The following AGBL5 variants were observed in gnomAD, a reference collection of about 807,000 sequenced individuals.
The protein encoded by AGBL5 is cytosolic carboxypeptidase-like protein 5.
AGBL5 carries 51 observed loss-of-function variants against 88.0 expected under a neutral mutation model. That is an observed-to-expected ratio of 0.58 (90% CI 0.46 to 0.73). The LOEUF is 0.73. Among genes scored for constraint, AGBL5 ranks in the 30% least tolerant of loss-of-function variants. AGBL5 has a pLI of 0.00. For synonymous variants in AGBL5, 446 were observed against 438.8 expected, an observed-to-expected ratio of 1.02 and a Z score of -0.21; for missense variants, 1,031 against 1,162.2, an observed-to-expected ratio of 0.89 and a Z score of 1.64.
rs202064757 is a variant in AGBL5 at position 27,054,689 on chromosome 2, G to C, written c.611G>C (p.Arg204Pro). Residue 204 changes from arginine (R) to proline (P), a missense_variant, in exon 5 of 15, where the codon CGT becomes CCT. Around this residue, in one of 2 missense-constraint regions of AGBL5, gnomAD observed 540 missense variants for 678.2 expected, o/e 0.80. Transcript: ENST00000360131. ...ELLCYSLDGL[R>P]VDLLTITSCH... ...CTTTGCTATTCTCTGGATGGACTTC[G>C]TGTAGATCTGCTGACGATCACTTCC... 1.2e-6 allele frequency: 2 copies of C among 1,614,002 alleles called. No individual in the cohort carries two copies. The highest frequency in any genetic ancestry group is 1.3e-5 in the African/African-American group (1 of 74,982).
upstream of AGBL5, among the ~76,000 whole-genome samples, chr2:27,050,739 G>A (rs1292452688): frequency 6.6e-6 from 1 of 152,224 alleles, no homozygotes; most frequent in South Asian, 2.1e-4. Flanking sequence ...TGAGGTTGCG[G>A]TAAGCATTAG....
At chr2:27,051,570 C>A (rs946961310), upstream of AGBL5, 1 of 152,400 alleles carries the variant, frequency 6.6e-6, no homozygotes, top group East Asian at 1.9e-4. Context: ...CACTAACGTG[C>A]GAGGAACCCT....
Position 27,068,563 on chromosome 2 carries a change from C to G in AGBL5, c.2243-69C>G, listed in dbSNP as rs1669108865. 5.6e-6 allele frequency: 8 copies of G among 1,420,088 alleles called. No individual in the cohort carries two copies. The Admixed American group carries it at 1.5e-4, about 27-fold the overall frequency. 88.0% of individuals were successfully genotyped at this position (1,420,088 alleles called of 1,614,324 possible). On this transcript the variant is annotated intron_variant, in intron 12 of 14. Transcript: ENST00000360131. ...TGTCAACGTGCCAAGGTTAAGAAAC[C>G]CTGATCCTTTGGAAGTTACCTCCTC... is the stretch of plus-strand genomic sequence containing the variant.
chr2:27,069,910 G>C, intron 14 of AGBL5, 182 bp from the exon 15 acceptor site: 1 of 985,408 alleles, frequency 1.0e-6, no homozygotes, highest in Non-Finnish European at 1.2e-6. Flanking sequence ...ACAACTTTTA[G>C]TCAGGGCCTA....
chr2:27,058,202 G>A (rs2148282920), intron 9 of AGBL5, among the ~76,000 whole-genome samples, 198 bp from the exon 10 acceptor site: 1 of 152,308 alleles, frequency 6.6e-6, no homozygotes. Flanking sequence ...ATGGAAGAGG[G>A]CCCCCAAATT....
In AGBL5 at chr2:27,058,467, T is replaced by C. The variant is rs751972761; in HGVS notation, c.1739T>C (p.Leu580Pro). 6 of 1,613,998 alleles carry C rather than the reference T, an allele frequency of 3.7e-6. No homozygotes were observed. The highest frequency in any genetic ancestry group is 4.2e-6 in the Non-Finnish European group (5 of 1,180,038). Residue 580 changes from leucine to proline, a missense_variant, in exon 10 of 15, where the codon CTG becomes CCG. Leu to Pro is a moderately conservative substitution (Grantham distance 98). Around this residue, in one of 2 missense-constraint regions of AGBL5, gnomAD observed 491 missense variants for 484.0 expected, o/e 1.01. Transcript: ENST00000360131. ...TGTAATCCGTGGCCCCGAATTGTACTGTCAGAGCACAGCAGCCTTACTAAT... is the reference window on the plus strand; with the variant it reads ...TGTAATCCGTGGCCCCGAATTGTACCGTCAGAGCACAGCAGCCTTACTAAT... ...AECNPWPRIV[L>P]SEHSSLTNLR...
intron 11 of AGBL5, among the ~76,000 whole-genome samples, chr2:27,066,605 G>A (rs1485244639): frequency 1.3e-5 from 2 of 152,248 alleles, no homozygotes; most frequent in Middle Eastern, 3.4e-3. Flanking sequence ...GGTAAGAGGG[G>A]AACCAAGGAA....
rs1396565850 is a variant in AGBL5, at chr2:27,053,945, G to A, written c.437G>A (p.Gly146Asp). The change falls in exon 4 of 15, where the codon GGC becomes GAC. Residue 146 changes from glycine (G) to aspartate (D), a missense_variant. Around this residue, in one of 2 missense-constraint regions of AGBL5, gnomAD observed 540 missense variants for 678.2 expected, o/e 0.80. Coordinates refer to ENST00000360131, the MANE Select transcript of AGBL5 (RefSeq NM_021831.6). The surrounding 1 kb of genome is among the most constrained non-coding windows in gnomAD (Gnocchi z 4.9). ...VLSFVHRFVE[G>D]RGATTFFAFC... The stretch of plus-strand genomic sequence containing the variant: ...TCCTTTGTTCATCGTTTCGTGGAGG[G>A]CCGTGGGGCCACCACCTTCTTCGCC... The A allele has an allele frequency of 1.9e-6, 3 of 1,614,032 alleles. No homozygotes were observed. Among genetic ancestry groups the A allele is most frequent in the Non-Finnish European group, 2.5e-6 (3 of 1,180,022 alleles).
intron 12 of AGBL5, 54 bp from the exon 13 acceptor site, chr2:27,068,578 G>T: frequency 6.6e-7 from 1 of 1,519,820 alleles, no homozygotes; most frequent in African/African-American, 1.4e-5. Context: ...TCCTTTGGAA[G>T]TTACCTCCTC....
At position 27,056,613 on chromosome 2, in the gene AGBL5, C is replaced by T. The variant is rs1389456403; in HGVS notation, c.1366-10C>T. ...CTCTCCTTCTGAGTTGACTTTTCTT[C>T]CCCAAACAGGTGGAAAACATGCTAT... On this transcript the variant is annotated splice_polypyrimidine_tract_variant and intron_variant, in intron 7 of 14. Transcript: ENST00000360131. 4 of 1,588,216 alleles carry T rather than the reference C, an allele frequency of 2.5e-6. No homozygotes were observed. The African/African-American group carries it at 4.0e-5, about 16-fold the overall frequency.
At chr2:27,069,748 T>G in intron 14 of AGBL5, 42 bp downstream of exon 14, 1 of 1,575,854 alleles carries the variant, frequency 6.3e-7, no homozygotes, top group Middle Eastern at 1.7e-4. Context: ...CCCTCACTTC[T>G]GTCCCCTCAT....
intron 13 of AGBL5, chr2:27,069,012 G>T: frequency 7.0e-7 from 1 of 1,425,860 alleles, no homozygotes; most frequent in Non-Finnish European, 9.3e-7. Flanking sequence ...GGCTTTCCCT[G>T]CCCCTGCCCT....
chr2:27,069,988 A>G, intron 14 of AGBL5, 104 bp from the exon 15 acceptor site: 3 of 1,531,074 alleles, frequency 2.0e-6, no homozygotes, highest in Non-Finnish European at 2.6e-6. Context: ...ATCCTTACCC[A>G]TCTTCATCTC....
At chr2:27,066,269 A>T (rs1668984038) in intron 11 of AGBL5, among the ~76,000 whole-genome samples, 1 of 150,696 alleles carries the variant, frequency 6.6e-6, no homozygotes, top group African/African-American at 2.4e-5. Flanking sequence ...AGGTGAATGC[A>T]GAGATAGAAT....
intron 11 of AGBL5, among the ~76,000 whole-genome samples, chr2:27,060,076 G>A (rs945885710): frequency 6.6e-6 from 1 of 152,216 alleles, no homozygotes; most frequent in African/African-American, 2.4e-5. Flanking sequence ...TTGAACCCAG[G>A]AGGCAGAAGT....
intron 11 of AGBL5, 73 bp from the exon 12 acceptor site, chr2:27,067,418 CCAG>C (rs1341688116): frequency 2.4e-5 from 36 of 1,475,068 alleles, no homozygotes; most frequent in Middle Eastern, 4.5e-4. Flanking sequence ...ACCACGGAAG[CCAG>C]CAGGTCAGTG....
chr2:27,068,431 G>C (rs989055982), intron 12 of AGBL5, among the ~76,000 whole-genome samples: 2 of 152,116 alleles, frequency 1.3e-5, no homozygotes, highest in Non-Finnish European at 2.9e-5. Flanking sequence ...CACTGAGGAG[G>C]GGGGAGATGA....
At position 27,057,298 on chromosome 2, in the gene AGBL5, C is replaced by T. The variant is rs1376338958; in HGVS notation, c.1536-5C>T. On this transcript the variant is annotated splice_polypyrimidine_tract_variant and splice_region_variant and intron_variant, in intron 8 of 14. Transcript: ENST00000360131. ...GGGACACTGATAAAGGTCTTTATGT[C>T]TTAGCTACACACTTGAATGCAACTA... 1 of 1,610,820 alleles carries T rather than the reference C, an allele frequency of 6.2e-7. No homozygotes were observed. The highest frequency in any genetic ancestry group is 1.1e-5 in the South Asian group (1 of 90,584).
chr2:27,051,874 T>TGAGCCCGAGCCCCTCGAAGGC (rs1166783313), intron 1 of AGBL5, 81 bp downstream of exon 1: 9 of 139,954 alleles, frequency 6.4e-5, no homozygotes, highest in African/African-American at 2.4e-4. Flanking sequence ...CTCAGCCCCT[T>TGAGCCCGAGCCCCTCGAAGGC]GAGCCCGAGC....
Sources: gnomAD v4.1 joint callset for allele counts (sites outside exome capture counted in the v4.1 genomes callset) on GRCh38, gnomAD v4.1.1 for gene constraint, gnomAD v4.1.1 regional missense constraint, Gnocchi (gnomAD v3.1) non-coding constraint, MANE v1.5 for transcripts, NCBI Gene and HGNC (gene_info 2026-07-23, HGNC 2026-07-21) for gene names.